CBX3: variants seen among roughly 807,000 people sequenced by gnomAD.
CBX3 encodes chromobox protein homolog 3.
Under a neutral mutation model 22.6 loss-of-function variants are expected in CBX3, and 5 were observed. The observed-to-expected ratio is 0.22, with a 90% CI of 0.12 to 0.47. The LOEUF is 0.47. CBX3 is among the 20% of genes least tolerant of loss of function. CBX3 has a pLI of 0.99. For synonymous variants in CBX3, 50 were observed against 66.6 expected (o/e 0.75, Z 1.21); for missense variants, 83 against 208.1 (o/e 0.40, Z 3.70).
chr7:26,202,991 A>C lies in CBX3; in HGVS notation c.-8A>C. On this transcript the variant is annotated 5_prime_UTR_variant, in exon 2 of 6. Transcript: ENST00000396386. ...TCTAGTAATAGCTCTTCAAGTCTGCAATAAAAAATGGCCTCCAACAAAACT... is the reference window on the plus strand; with the variant it reads ...TCTAGTAATAGCTCTTCAAGTCTGCCATAAAAAATGGCCTCCAACAAAACT... 1 of 1,607,738 alleles carries C rather than the reference A, an allele frequency of 6.2e-7. No homozygotes were observed. The highest frequency in any genetic ancestry group is 8.5e-7 in the Non-Finnish European group (1 of 1,174,524).
intron 3 of CBX3, among the ~76,000 whole-genome samples, chr7:26,207,877 G>A (rs1043404078): frequency 6.6e-6 from 1 of 151,434 alleles, no homozygotes; most frequent in Non-Finnish European, 1.5e-5. Context: ...CCTCTACCCA[G>A]TAATTTGGGT....
At chr7:26,203,815 C>G (rs772118762) in intron 2 of CBX3, among the ~76,000 whole-genome samples, 1 of 152,150 alleles carries the variant, frequency 6.6e-6, no homozygotes, top group Non-Finnish European at 1.5e-5. Context: ...GGGTTTCACA[C>G]TAAAAAGGGC....
chr7:26,205,544 A>T (rs1274980451), intron 2 of CBX3, among the ~76,000 whole-genome samples: 2 of 152,190 alleles, frequency 1.3e-5, no homozygotes, highest in African/African-American at 4.8e-5. Flanking sequence ...AGTTGGTATC[A>T]GGATTTTGAA....
chr7:26,211,122 A>G (rs1056040566), intron 4 of CBX3, among the ~76,000 whole-genome samples: 5 of 151,904 alleles, frequency 3.3e-5, no homozygotes, highest in Non-Finnish European at 7.4e-5. Flanking sequence ...TCAATGTTTT[A>G]AGAAAGTTTA....
chr7:26,202,941 ACTTAC>A (rs1377733808), intron 1 of CBX3, 25 bp from the exon 2 acceptor site: 31 of 1,425,942 alleles, frequency 2.2e-5, no homozygotes, highest in Middle Eastern at 3.5e-4. Context: ...TGTCATGCAA[ACTTAC>A]CTTAACTGTC....
intron 1 of CBX3, chr7:26,202,677 A>C: frequency 5.6e-6 from 2 of 355,396 alleles, no homozygotes; most frequent in Non-Finnish European, 1.0e-5. Context: ...TGGAACATGG[A>C]CTTTATTATA....
At chr7:26,210,243 GATCATGCC>G (rs1260982391) in intron 4 of CBX3, 1 of 152,230 alleles carries the variant, frequency 6.6e-6, no homozygotes, top group Admixed American at 6.5e-5. Flanking sequence ...AGTGAGCTGT[GATCATGCC>G]AGTGCACTTT....
chr7:26,211,119 T>C (rs1310282896), intron 4 of CBX3, among the ~76,000 whole-genome samples: 1 of 152,088 alleles, frequency 6.6e-6, no homozygotes, highest in South Asian at 2.1e-4. Flanking sequence ...GTTTCAATGT[T>C]TTAAGAAAGT....
chr7:26,204,162 TAGTG>T lies in CBX3; in HGVS notation c.24+1143_24+1146del, dbSNP rs138567018. 6.0e-3 allele frequency among the ~76,000 whole-genome samples: 909 copies of T among 152,098 alleles called. 8 individuals are homozygous for T. Among genetic ancestry groups the T allele is most frequent in the African/African-American group, 0.021 (866 of 41,480 alleles). On this transcript the variant is annotated intron_variant, in intron 2 of 5. Coordinates refer to ENST00000396386, the MANE Select transcript of CBX3 (RefSeq NM_016587.4). ...GGCAAATATATACTATAAAAGAAAATAGTGAGCATTTGAAACTAGCTTATGAATG... is the reference window on the plus strand; with the variant it reads ...GGCAAATATATACTATAAAAGAAAATAGCATTTGAAACTAGCTTATGAATG...
intron 2 of CBX3, among the ~76,000 whole-genome samples, chr7:26,205,505 C>G (rs1784655846): frequency 6.6e-6 from 1 of 152,170 alleles, no homozygotes; most frequent in Admixed American, 6.5e-5. Flanking sequence ...TTAATTGAAC[C>G]TCCTAGTGGT....
chr7:26,209,024 C>T (rs558206850), intron 4 of CBX3, among the ~76,000 whole-genome samples: 3 of 146,410 alleles, frequency 2.0e-5, no homozygotes, highest in Non-Finnish European at 4.5e-5. Flanking sequence ...CTGCAACCTC[C>T]GCCTCCAGAG....
At position 26,212,404 on chromosome 7, in the gene CBX3, A is replaced by G. The variant is rs532023444; in HGVS notation, c.*196A>G. 18 of 235,290 alleles carry G rather than the reference A, an allele frequency of 7.7e-5. No homozygotes were observed. The highest frequency in any genetic ancestry group is 4.2e-4 in the African/African-American group (18 of 43,300). The allele number at this position is 235,290 out of a possible 1,614,324, so 14.6% of individuals were successfully genotyped here. Reference sequence around the variant, plus strand: ...ACTGGTTACTTTGAACAAATAAATAAAAGCTTTCTGTAGTTGCTTCCTTTA... The same window carrying G: ...ACTGGTTACTTTGAACAAATAAATAGAAGCTTTCTGTAGTTGCTTCCTTTA... On this transcript the variant is annotated 3_prime_UTR_variant, in exon 6 of 6. Coordinates refer to ENST00000396386, the MANE Select transcript of CBX3 (RefSeq NM_016587.4).
At chr7:26,202,463 C>A (rs565555916) in intron 1 of CBX3, 1 of 152,520 alleles carries the variant, frequency 6.6e-6, no homozygotes, top group Non-Finnish European at 1.5e-5. Context: ...AGAGGTGATT[C>A]TTTTTTCAAA....
chr7:26,201,742 C>A (rs990017010), upstream of CBX3: 3 of 82,700 alleles, frequency 3.6e-5, no homozygotes, highest in African/African-American at 1.2e-4. Flanking sequence ...CGGCTCCCTC[C>A]CCCTTCGGAT....
intron 3 of CBX3, among the ~76,000 whole-genome samples, chr7:26,207,793 C>T (rs1426406164): frequency 2.0e-5 from 3 of 152,028 alleles, no homozygotes; most frequent in Non-Finnish European, 4.4e-5. Context: ...GCTGGGATTA[C>T]AGGTGTGAGC....
intron 4 of CBX3, among the ~76,000 whole-genome samples, chr7:26,208,853 C>T (rs1253327874): frequency 4.8e-5 from 7 of 146,438 alleles, no homozygotes; most frequent in African/African-American, 1.8e-4. Context: ...CTCCTGACCT[C>T]ATGATCCTCC....
chr7:26,206,259 G>A (rs1584036941), intron 2 of CBX3, 109 bp from the exon 3 acceptor site: 2 of 680,372 alleles, frequency 2.9e-6, no homozygotes, highest in East Asian at 2.7e-5. Context: ...CTGGGATATA[G>A]AAGTAAAAAT....
chr7:26,208,273 A>G (rs953468899), intron 3 of CBX3, 120 bp from the exon 4 acceptor site: 5 of 657,088 alleles, frequency 7.6e-6, no homozygotes, highest in African/African-American at 5.4e-5. Flanking sequence ...GGAAATGATT[A>G]GTATCTGCAG....
chr7:26,206,459 G>C lies in CBX3; in HGVS notation c.116G>C (p.Arg39Pro). The change falls in exon 3 of 6, where the codon CGT (arginine) becomes CCT (proline). Residue 39 changes from arginine (R) to proline (P), a missense_variant. By Grantham distance (103) the Arg-to-Pro change is moderately radical (BLOSUM62 -2). Around this residue, in one of 3 missense-constraint regions of CBX3, gnomAD observed 59 missense variants for 155.0 expected, o/e 0.38. Transcript: ENST00000396386. ...EFVVEKVLDR[R>P]VVNGKVEYFL... ...GTCGTGGAAAAAGTACTAGATCGAC[G>C]TGTAGTGAATGGGAAAGTGGAATAT... The C allele has an allele frequency of 6.2e-7, 1 of 1,614,002 alleles. No homozygotes were observed. Among genetic ancestry groups the C allele is most frequent in the Non-Finnish European group, 8.5e-7 (1 of 1,179,872 alleles).
Sources: gnomAD v4.1 joint callset for allele counts (sites outside exome capture counted in the v4.1 genomes callset) on GRCh38, gnomAD v4.1.1 for gene constraint, gnomAD v4.1.1 regional missense constraint, MANE v1.5 for transcripts, NCBI Gene and HGNC (gene_info 2026-07-23, HGNC 2026-07-21) for gene names.